CIDEA: variants seen among roughly 807,000 people sequenced by gnomAD.
The protein encoded by CIDEA is cell death inducing DFFA like effector a, also known as lipid transferase CIDEA.
Under a neutral mutation model 18.2 loss-of-function variants are expected in CIDEA, and 10 were observed. The ratio of observed to expected loss-of-function variants is 0.55; its 90% CI spans 0.34 to 0.93. The LOEUF is 0.93. Ranked by LOEUF, CIDEA falls within the 40% of genes least tolerant of loss-of-function variation. CIDEA has a pLI of 0.02. For missense variants in CIDEA, 309 were observed against 293.1 expected (o/e 1.05, Z -0.40); for synonymous variants, 128 against 124.8 (o/e 1.03, Z -0.17).
intron 3 of CIDEA, among the ~76,000 whole-genome samples, chr18:12,264,849 G>A (rs769318415): frequency 1.3e-5 from 2 of 152,296 alleles, no homozygotes; most frequent in East Asian, 3.9e-4. Context: ...CACCGCGCCC[G>A]GCCAACTTCT....
Position 12,277,428 on chromosome 18 carries a change from T to G in CIDEA, c.*158T>G. ...CCCAGAAAAGGAAAGGGCTTGGTGG[T>G]ACATGAAGTGGGGGCAGTGGGCAGG... On this transcript the variant is annotated 3_prime_UTR_variant, in exon 5 of 5. Transcript: ENST00000320477. The G allele has an allele frequency of 9.4e-6, 7 of 748,220 alleles. No homozygotes were observed. Among genetic ancestry groups the G allele is most frequent in the South Asian group, 2.2e-5 (1 of 45,900 alleles). The allele number at this position is 748,220 out of a possible 1,614,324, so 46.3% of individuals were successfully genotyped here.
intron 4 of CIDEA, among the ~76,000 whole-genome samples, chr18:12,276,607 G>T (rs1598784614): frequency 1.3e-5 from 2 of 152,190 alleles, no homozygotes; most frequent in Non-Finnish European, 2.9e-5. Flanking sequence ...TGGGTGCTGG[G>T]GGCAGTGGGC....
Position 12,277,167 on chromosome 18 carries a change from A to T in CIDEA, c.557A>T (p.Gln186Leu). ...TCCTACTCCGCCCAGGTGACGGGAC[A>T]GTTTCTCATCTATCTGGGCACATAC... is the stretch of plus-strand genomic sequence containing the variant. ...FLSYSAQVTG[Q>L]FLIYLGTYML... The change falls in exon 5 of 5, where the codon CAG (glutamine) becomes CTG (leucine). Residue 186 changes from glutamine (Q) to leucine (L), a missense_variant. Transcript: ENST00000320477. 9.3e-6 allele frequency: 15 copies of T among 1,614,190 alleles called. No homozygotes were observed. Among genetic ancestry groups the T allele is most frequent in the Non-Finnish European group, 1.3e-5 (15 of 1,180,030 alleles).
intron 1 of CIDEA, among the ~76,000 whole-genome samples, chr18:12,259,575 T>C (rs1459332490): frequency 6.6e-6 from 1 of 152,188 alleles, no homozygotes; most frequent in Non-Finnish European, 1.5e-5. Flanking sequence ...TAATTAATAT[T>C]GAATTAATGG....
rs1372139736 is a variant in CIDEA, at chr18:12,277,220, G to T, written c.610G>T (p.Glu204Ter). 1 of 1,614,116 alleles carries T rather than the reference G, an allele frequency of 6.2e-7. No individual in the cohort carries two copies. The highest frequency in any genetic ancestry group is 1.3e-5 in the African/African-American group (1 of 74,938). Residue 204 changes from glutamate (E) to a stop codon, truncating the protein, a stop_gained, in exon 5 of 5, where the codon GAG (glutamate) becomes TAG (stop). Transcript: ENST00000320477. LOFTEE classifies it low-confidence loss of function (END_TRUNC). ...GCTCCGGGTGCTGGATGACAAGGAA[G>T]AGCGGCCATCCCTCCGGTCACAAGC... Reference protein sequence around the residue: ...YMLRVLDDKEERPSLRSQAKG... With the variant: ...YMLRVLDDKE
intron 1 of CIDEA, among the ~76,000 whole-genome samples, chr18:12,258,221 G>C (rs1192075053): frequency 1.3e-5 from 2 of 152,178 alleles, no homozygotes; most frequent in Non-Finnish European, 2.9e-5. Context: ...TGAAGGCAGG[G>C]AGAACCAGAA....
chr18:12,276,715 T>G (rs1186127150), intron 4 of CIDEA, among the ~76,000 whole-genome samples: 1 of 152,152 alleles, frequency 6.6e-6, no homozygotes, highest in Non-Finnish European at 1.5e-5. Context: ...GGAAGGGATT[T>G]CAGTAGCAGG....
In CIDEA at chr18:12,277,525, G is replaced by A; in HGVS notation, c.*255G>A. The A allele has an allele frequency of 2.1e-6, 1 of 476,444 alleles. No homozygotes were observed. Among genetic ancestry groups the A allele is most frequent in the Non-Finnish European group, 3.8e-6 (1 of 262,570 alleles). The allele number at this position is 476,444 out of a possible 1,614,324, so 29.5% of individuals were successfully genotyped here. A position where few individuals can be genotyped will look rare whatever the true frequency, so the allele number is the denominator to read the frequency against. ...GAGCACGCAGCAGGCGTGCCCAGGA[G>A]CGTGTGCATGTGTCAGAGCCATTTG... On this transcript the variant is annotated 3_prime_UTR_variant, in exon 5 of 5. Coordinates refer to ENST00000320477, the MANE Select transcript of CIDEA (RefSeq NM_001279.4).
intron 3 of CIDEA, among the ~76,000 whole-genome samples, chr18:12,267,180 C>A (rs1912375116): frequency 6.6e-6 from 1 of 152,218 alleles, no homozygotes; most frequent in Non-Finnish European, 1.5e-5. Flanking sequence ...CAGCTGCTTT[C>A]CTGGGCATGA....
At chr18:12,258,657 C>G (rs1800611) in intron 1 of CIDEA, among the ~76,000 whole-genome samples, 59,092 of 152,082 alleles carry the variant, frequency 0.39, 11,607 homozygotes, top group Middle Eastern at 0.49. Flanking sequence ...AGGTGCCGCA[C>G]CGCTGGGTGG....
Position 12,254,937 on chromosome 18 carries a change from C to T in CIDEA, c.38+516C>T, listed in dbSNP as rs139602222. The T allele has an allele frequency of 1.5e-5, 18 of 1,229,196 alleles. No homozygotes were observed. The African/African-American group carries it at 2.2e-4, about 15-fold the overall frequency. 76.1% of individuals were successfully genotyped at this position (1,229,196 alleles called of 1,614,324 possible). On this transcript the variant is annotated intron_variant, in intron 1 of 4. Coordinates refer to ENST00000320477, the MANE Select transcript of CIDEA (RefSeq NM_001279.4). Reference sequence around the variant, plus strand: ...CTGGTCTCCGAGGGGAGGCCCCAACCGTCCGGCGGAGCCCTCCAGGTTGGT... The same window carrying T: ...CTGGTCTCCGAGGGGAGGCCCCAACTGTCCGGCGGAGCCCTCCAGGTTGGT...
At position 12,270,894 on chromosome 18, in the gene CIDEA, C is replaced by CTTTTTTTTTTT. The variant is rs771335202; in HGVS notation, c.331-3186_331-3176dup. ...TTTCTTTTCTTTTTCTTTTTCTTTT[C>CTTTTTTTTTTT]TTTTTTTTTTTTTTTTTTTTTTTGA... On this transcript the variant is annotated intron_variant, in intron 3 of 4. Coordinates refer to ENST00000320477, the MANE Select transcript of CIDEA (RefSeq NM_001279.4). 3.5e-4 allele frequency among the ~76,000 whole-genome samples: 21 copies of CTTTTTTTTTTT among 60,012 alleles called. No homozygotes were observed. The South Asian group carries it at 4.6e-3, about 13-fold the overall frequency. 39.4% of individuals were successfully genotyped at this position (60,012 alleles called of 152,430 possible).
intron 2 of CIDEA, 109 bp from the exon 3 acceptor site, chr18:12,264,198 A>G: frequency 6.7e-6 from 7 of 1,047,156 alleles, no homozygotes. Flanking sequence ...TTAAAATTTT[A>G]TCAGAATCAG....
At chr18:12,270,527 A>G (rs1912482618) in intron 3 of CIDEA, among the ~76,000 whole-genome samples, 1 of 152,078 alleles carries the variant, frequency 6.6e-6, no homozygotes, top group East Asian at 1.9e-4. Flanking sequence ...CGTCTTTACT[A>G]AAAATACAAA....
At chr18:12,258,035 T>A (rs560059139) in intron 1 of CIDEA, among the ~76,000 whole-genome samples, 1 of 152,140 alleles carries the variant, frequency 6.6e-6, no homozygotes, top group South Asian at 2.1e-4. Flanking sequence ...TGATTTTACA[T>A]AATTTGACCC....
At chr18:12,268,749 G>T (rs1244643985) in intron 3 of CIDEA, among the ~76,000 whole-genome samples, 1 of 151,710 alleles carries the variant, frequency 6.6e-6, no homozygotes, top group Non-Finnish European at 1.5e-5. Context: ...GCATATTTTT[G>T]AAAGAAATTA....
chr18:12,256,716 G>C (rs1469962721), intron 1 of CIDEA, among the ~76,000 whole-genome samples: 2 of 152,182 alleles, frequency 1.3e-5, no homozygotes, highest in African/African-American at 2.4e-5. Context: ...TGCTATTTCA[G>C]TACAAATTTC....
intron 3 of CIDEA, among the ~76,000 whole-genome samples, chr18:12,265,653 T>C (rs1398845964): frequency 1.3e-5 from 2 of 152,210 alleles, no homozygotes; most frequent in Admixed American, 1.3e-4. Context: ...GCTCATTGGA[T>C]TCTCTTTACT....
chr18:12,258,971 T>G (rs545471584), intron 1 of CIDEA, among the ~76,000 whole-genome samples: 189 of 151,968 alleles, frequency 1.2e-3, no homozygotes, highest in African/African-American at 4.3e-3. Context: ...TCACCAGGAG[T>G]GAGAGTGTGC....
Sources: gnomAD v4.1 joint callset for allele counts (sites outside exome capture counted in the v4.1 genomes callset) on GRCh38, gnomAD v4.1.1 for gene constraint, MANE v1.5 for transcripts, NCBI Gene and HGNC (gene_info 2026-07-23, HGNC 2026-07-21) for gene names.